Variants in RYR2 observed in about 807,000 individuals in gnomAD.
RYR2 encodes the protein ryanodine receptor 2.
In RYR2, 227 loss-of-function variants were observed where a neutral mutation model predicts 601.1. That is an observed-to-expected ratio of 0.38 (90% CI 0.34 to 0.42). The LOEUF (loss-of-function observed/expected upper bound fraction) is 0.42. Among genes scored for constraint, RYR2 ranks in the 10% least tolerant of loss-of-function variants. The pLI is 1.00. For synonymous variants in RYR2, 2,223 were observed against 2,175.1 expected (o/e 1.02, Z -0.61); for missense variants, 4,646 against 6,156.5 (o/e 0.75, Z 8.21).
intron 1 of RYR2, among the ~76,000 whole-genome samples, chr1:237,093,731 G>A (rs554731063): frequency 4.4e-4 from 67 of 152,312 alleles, no homozygotes; most frequent in African/African-American, 1.4e-3. Flanking sequence ...ATTGGCAGGC[G>A]TGGGATCCCA....
At chr1:237,329,905 A>G (rs1374069295) in intron 2 of RYR2, among the ~76,000 whole-genome samples, 1 of 152,202 alleles carries the variant, frequency 6.6e-6, no homozygotes, top group East Asian at 1.9e-4. Flanking sequence ...AAATAAAGCA[A>G]TACAGATATA....
At chr1:237,623,568 A>G (rs1015792183) in intron 38 of RYR2, among the ~76,000 whole-genome samples, 197 bp from the exon 39 acceptor site, 9 of 151,076 alleles carry the variant, frequency 6.0e-5, no homozygotes, top group African/African-American at 2.2e-4. Flanking sequence ...TAATTTTTGT[A>G]TCTTTAGTAG....
intron 6 of RYR2, among the ~76,000 whole-genome samples, chr1:237,372,666 A>G (rs1353372652): frequency 6.6e-6 from 1 of 152,236 alleles, no homozygotes; most frequent in Non-Finnish European, 1.5e-5. Flanking sequence ...GCATGAGCTA[A>G]TAAATGTGAG....
Position 237,674,235 on chromosome 1 carries a change from C to T in RYR2, c.8714+16C>T. On this transcript the variant is annotated intron_variant, in intron 59 of 104. Transcript: ENST00000366574. ...CTGTATCCAGGTAAAAGTACACATA[C>T]CCTAAGTACACACTCTTTTCACAAG... The T allele has an allele frequency of 3.8e-6, 6 of 1,589,054 alleles. No homozygotes were observed. Among genetic ancestry groups the T allele is most frequent in the Non-Finnish European group, 5.2e-6 (6 of 1,158,598 alleles).
chr1:237,684,228 G>A lies in RYR2; in HGVS notation c.9018-3227G>A, dbSNP rs559968529. ...TGGGATTACAAGCATGAACCACCGT[G>A]CCCGGCCTCGTTCAGATATTTCTGA... On this transcript the variant is annotated intron_variant, in intron 62 of 104. Transcript: ENST00000366574. Among the ~76,000 whole-genome samples the A allele has an allele frequency of 1.1e-3, 171 of 152,124 alleles. 1 individual carries two copies. Among genetic ancestry groups the A allele is most frequent in the African/African-American group, 3.9e-3 (161 of 41,490 alleles).
chr1:237,399,806 G>A (rs1044592942), intron 10 of RYR2, among the ~76,000 whole-genome samples: 1 of 151,984 alleles, frequency 6.6e-6, no homozygotes. Flanking sequence ...GTGCAGTTTC[G>A]GGGGAACAAT....
At chr1:237,222,137 A>G (rs1054319928) in intron 1 of RYR2, among the ~76,000 whole-genome samples, 9 of 152,030 alleles carry the variant, frequency 5.9e-5, no homozygotes, top group African/African-American at 1.7e-4. Flanking sequence ...AGCTTGGGCC[A>G]GGCGCGGTGG....
In RYR2 at chr1:237,458,419, A is replaced by T. The variant is rs116650572; in HGVS notation, c.1612+1684A>T. ...ACTCCAGCCTAGGTGACAGAATGAG[A>T]CTCCATCTCAAAACAAAAACAAAAA... is the stretch of plus-strand genomic sequence containing the variant. On this transcript the variant is annotated intron_variant, in intron 16 of 104. Transcript: ENST00000366574. 7.4e-3 allele frequency among the ~76,000 whole-genome samples: 1,131 copies of T among 152,140 alleles called. 6 individuals carry two copies. Among genetic ancestry groups the T allele is most frequent in the Admixed American group, 0.013 (193 of 15,294 alleles).
At chr1:237,611,659 C>T (rs1677884173) in intron 36 of RYR2, among the ~76,000 whole-genome samples, 1 of 152,088 alleles carries the variant, frequency 6.6e-6, no homozygotes, top group African/African-American at 2.4e-5. Context: ...GCCAAGATTT[C>T]CCTCCCAAAA....
At chr1:237,565,097 TTTC>T (rs893769304) in intron 27 of RYR2, among the ~76,000 whole-genome samples, 2 of 140,786 alleles carry the variant, frequency 1.4e-5, no homozygotes, top group African/African-American at 2.8e-5. Context: ...CTTCTTCTCT[TTTC>T]TTTTCTTTCT....
At chr1:237,474,531 G>A (rs971270960) in intron 17 of RYR2, among the ~76,000 whole-genome samples, 2 of 148,022 alleles carry the variant, frequency 1.4e-5, no homozygotes, top group Non-Finnish European at 3.0e-5. Context: ...GCCTAACCTA[G>A]TGCTCTTGAA....
intron 12 of RYR2, among the ~76,000 whole-genome samples, chr1:237,430,273 CAAT>C (rs939876356): frequency 1.5e-4 from 22 of 150,480 alleles, no homozygotes; most frequent in African/African-American, 5.1e-4. Flanking sequence ...ATATGTATAA[CAAT>C]ATATTGATCT....
intron 17 of RYR2, among the ~76,000 whole-genome samples, chr1:237,473,477 C>CTTTCTTTCTTTCTTTCTTCTTCTTTCTT (rs1553464755): frequency 4.1e-5 from 6 of 145,662 alleles, no homozygotes; most frequent in East Asian, 2.1e-4. Flanking sequence ...ATCTATCTAT[C>CTTTCTTTCTTTCTTTCTTCTTCTTTCTT]TGGCATATAT....
At chr1:237,792,060 T>C (rs747255143) in intron 93 of RYR2, 45 bp from the exon 94 acceptor site, 2 of 1,375,968 alleles carry the variant, frequency 1.5e-6, no homozygotes, top group South Asian at 2.5e-5. Flanking sequence ...TGCAATGGTA[T>C]CTTAGATGCA....
chr1:237,384,338 C>T (rs1197498901), intron 8 of RYR2, among the ~76,000 whole-genome samples: 3 of 152,204 alleles, frequency 2.0e-5, no homozygotes, highest in African/African-American at 4.8e-5. Context: ...AAATCAAGGT[C>T]GTTGGTTTGG....
chr1:237,492,760 T>C (rs1416448588), intron 18 of RYR2, among the ~76,000 whole-genome samples, 194 bp from the exon 19 acceptor site: 1 of 150,918 alleles, frequency 6.6e-6, no homozygotes, highest in Non-Finnish European at 1.5e-5. Flanking sequence ...GGAGTTCAAG[T>C]CTGCAGTGAG....
At chr1:237,831,484 C>G in intron 103 of RYR2, 30 bp from the exon 104 acceptor site, 2 of 1,253,856 alleles carry the variant, frequency 1.6e-6, no homozygotes, top group Non-Finnish European at 2.3e-6. Context: ...CCATACCGTT[C>G]ATTTCTGATC....
chr1:237,145,592 C>T (rs933826162), intron 1 of RYR2, among the ~76,000 whole-genome samples: 1 of 152,190 alleles, frequency 6.6e-6, no homozygotes, highest in African/African-American at 2.4e-5. Flanking sequence ...TTCCTGCTCA[C>T]TGTCTGTCCA....
At chr1:237,281,827 G>A (rs900028910) in intron 2 of RYR2, among the ~76,000 whole-genome samples, 2 of 152,238 alleles carry the variant, frequency 1.3e-5, no homozygotes, top group Admixed American at 6.5e-5. Flanking sequence ...TGTATCCATT[G>A]TAATAACAGA....
Sources: gnomAD v4.1 joint callset for allele counts (sites outside exome capture counted in the v4.1 genomes callset) on GRCh38, gnomAD v4.1.1 for gene constraint, MANE v1.5 for transcripts, NCBI Gene and HGNC (gene_info 2026-07-23, HGNC 2026-07-21) for gene names.